CTNNA2: variants seen among roughly 807,000 people sequenced by gnomAD.
CTNNA2 encodes the protein catenin alpha-2.
CTNNA2 carries 42 observed loss-of-function variants against 101.0 expected under a neutral mutation model. That is an observed-to-expected ratio of 0.42 (90% CI 0.32 to 0.54). The LOEUF is 0.54. CTNNA2 is among the 20% of genes least tolerant of loss of function. The pLI is 0.14. For missense variants in CTNNA2, 871 were observed against 1,223.1 expected, an observed-to-expected ratio of 0.71 and a Z score of 4.29; for synonymous variants, 450 against 456.4, an observed-to-expected ratio of 0.99 and a Z score of 0.18.
At chr2:80,538,718 GT>G (rs1393007931) in intron 9 of CTNNA2, among the ~76,000 whole-genome samples, 1 of 152,030 alleles carries the variant, frequency 6.6e-6, no homozygotes, top group African/African-American at 2.4e-5. Context: ...GCTCTTTTTT[GT>G]TTCCACATGA....
chr2:80,253,772 T>G (rs1671939353), intron 7 of CTNNA2, among the ~76,000 whole-genome samples: 1 of 152,158 alleles, frequency 6.6e-6, no homozygotes, highest in Non-Finnish European at 1.5e-5. Context: ...TTAATGATAA[T>G]CAAGAATTAT....
chr2:80,140,821 A>C (rs542468960), intron 7 of CTNNA2, among the ~76,000 whole-genome samples: 16 of 152,098 alleles, frequency 1.1e-4, no homozygotes, highest in Non-Finnish European at 2.4e-4. Flanking sequence ...GAGAAACCCC[A>C]TCATATCCAT....
intron 7 of CTNNA2, among the ~76,000 whole-genome samples, chr2:80,262,999 C>A (rs1042391314): frequency 9.4e-4 from 143 of 152,018 alleles, no homozygotes; most frequent in African/African-American, 3.4e-3. Context: ...CGTGCCAGAA[C>A]GGAATTATGT....
chr2:80,297,966 C>T (rs977071321), intron 7 of CTNNA2, among the ~76,000 whole-genome samples: 8 of 151,182 alleles, frequency 5.3e-5, no homozygotes, highest in Non-Finnish European at 7.4e-5. Flanking sequence ...CCTGCCTGCG[C>T]GTGTATGGGT....
At chr2:80,365,088 C>CT (rs936110408) in intron 7 of CTNNA2, among the ~76,000 whole-genome samples, 1 of 152,124 alleles carries the variant, frequency 6.6e-6, no homozygotes, top group African/African-American at 2.4e-5. Flanking sequence ...GGCCTTGTGC[C>CT]TCTTCCCATT....
intron 4 of CTNNA2, among the ~76,000 whole-genome samples, chr2:79,376,656 C>T (rs1431797879): frequency 1.3e-5 from 2 of 152,040 alleles, no homozygotes; most frequent in East Asian, 3.9e-4. Flanking sequence ...CCACAACAGG[C>T]CCTGGTGTGT....
intron 7 of CTNNA2, among the ~76,000 whole-genome samples, chr2:79,914,671 G>C (rs1224193441): frequency 2.0e-5 from 3 of 152,060 alleles, no homozygotes; most frequent in Non-Finnish European, 4.4e-5. Flanking sequence ...AGAGATCCTG[G>C]TGGCATAAAG....
At chr2:79,821,893 A>G (rs1678040569) in intron 3 of CTNNA2, among the ~76,000 whole-genome samples, 1 of 152,024 alleles carries the variant, frequency 6.6e-6, no homozygotes, top group Non-Finnish European at 1.5e-5. Flanking sequence ...GCTCTATTTC[A>G]CTCTTGTACA....
rs775975399 is a variant in CTNNA2, at chr2:80,546,021, G to A, written c.1498G>A (p.Val500Met). 15 of 1,613,934 alleles carry A rather than the reference G, an allele frequency of 9.3e-6. No individual in the cohort carries two copies. The highest frequency in any genetic ancestry group is 1.3e-5 in the African/African-American group (1 of 74,910). The change falls in exon 11 of 19, where the codon GTG becomes ATG. Residue 500 changes from valine (V) to methionine (M), a missense_variant. This residue lies in a region of CTNNA2 where 647 missense variants were observed against 831.5 expected (regional missense o/e 0.78). Transcript: ENST00000402739. ...GCAGGTCCGAGTGTTGACAGAGGCC[G>A]TGGATGACATCACCTCAGTGGATGA... ...EKQVRVLTEA[V>M]DDITSVDDFL...
rs140103248 is a variant in CTNNA2, at chr2:80,582,017, C to T, written c.2007+198C>T. On this transcript the variant is annotated intron_variant, in intron 14 of 18. Transcript: ENST00000402739. The stretch of plus-strand genomic sequence containing the variant: ...CCACCACTGCTCCTGATTCCTCTAA[C>T]TCCTCTCTTTTGCTATCACTGGAAA... Among the ~76,000 whole-genome samples the T allele has an allele frequency of 5.4e-4, 82 of 152,296 alleles. No homozygotes were observed. In the Middle Eastern group the frequency reaches 0.01, roughly 19 times the overall value.
intron 7 of CTNNA2, among the ~76,000 whole-genome samples, chr2:80,346,214 TG>T (rs1381610983): frequency 2.6e-5 from 4 of 152,228 alleles, no homozygotes; most frequent in African/African-American, 9.7e-5. Context: ...CACCTGTGAC[TG>T]TGTAATTTAT....
intron 7 of CTNNA2, among the ~76,000 whole-genome samples, chr2:80,103,722 A>G (rs1700697144): frequency 6.6e-6 from 1 of 151,962 alleles, no homozygotes; most frequent in African/African-American, 2.4e-5. Flanking sequence ...AGCTTAAATA[A>G]TGTTTTGTTT....
intron 2 of CTNNA2, among the ~76,000 whole-genome samples, chr2:79,275,999 G>A (rs1675202959): frequency 1.3e-5 from 2 of 152,096 alleles, no homozygotes; most frequent in African/African-American, 4.8e-5. Context: ...GGGATAAAGT[G>A]AAGGTCAGGC....
intron 7 of CTNNA2, among the ~76,000 whole-genome samples, chr2:80,175,226 C>T (rs559103622): frequency 1.4e-4 from 22 of 152,284 alleles, no homozygotes; most frequent in African/African-American, 5.1e-4. Context: ...ATTCCCTGAT[C>T]ACTCTATCCA....
intron 4 of CTNNA2, among the ~76,000 whole-genome samples, chr2:79,423,798 C>T (rs941156327): frequency 6.6e-6 from 1 of 152,138 alleles, no homozygotes; most frequent in African/African-American, 2.4e-5. Flanking sequence ...CAGCTTAAAT[C>T]AACTTGGTTT....
At chr2:79,530,942 T>C (rs2103931414) in intron 1 of CTNNA2, among the ~76,000 whole-genome samples, 1 of 152,106 alleles carries the variant, frequency 6.6e-6, no homozygotes, top group East Asian at 1.9e-4. Context: ...TCTTAGAATT[T>C]TAACACTTTT....
chr2:80,477,092 G>C (rs1483781086), intron 9 of CTNNA2, among the ~76,000 whole-genome samples: 1 of 152,178 alleles, frequency 6.6e-6, no homozygotes, highest in Non-Finnish European at 1.5e-5. Flanking sequence ...TAGATAATCA[G>C]TCTCAGTATG....
intron 1 of CTNNA2, among the ~76,000 whole-genome samples, chr2:79,187,159 A>C (rs1459199494): frequency 2.6e-5 from 4 of 152,148 alleles, no homozygotes; most frequent in Admixed American, 6.6e-5. Flanking sequence ...ATATATCCAT[A>C]AATTCCCTAG....
chr2:79,945,351 T>C (rs1254524204), intron 7 of CTNNA2, among the ~76,000 whole-genome samples: 2 of 152,206 alleles, frequency 1.3e-5, no homozygotes, highest in African/African-American at 2.4e-5. Flanking sequence ...GTTATTTGTT[T>C]TTTTAAATTA....
Sources: gnomAD v4.1 joint callset for allele counts (sites outside exome capture counted in the v4.1 genomes callset) on GRCh38, gnomAD v4.1.1 for gene constraint, gnomAD v4.1.1 regional missense constraint, MANE v1.5 for transcripts, NCBI Gene and HGNC (gene_info 2026-07-23, HGNC 2026-07-21) for gene names.